GLIS3: variants seen among roughly 807,000 people sequenced by gnomAD.
The protein encoded by GLIS3 is GLIS family zinc finger 3.
GLIS3 carries 53 observed loss-of-function variants against 78.6 expected under a neutral mutation model. That is an observed-to-expected ratio of 0.67 (90% confidence interval 0.54 to 0.85). The LOEUF is 0.85. Among genes scored for constraint, GLIS3 ranks in the 40% least tolerant of loss-of-function variants. GLIS3 has a pLI of 0.00. For missense variants in GLIS3, 1,703 were observed against 1,231.1 expected (o/e 1.38, Z -5.74); for synonymous variants, 684 against 509.9 (o/e 1.34, Z -4.60).
intron 4 of GLIS3, among the ~76,000 whole-genome samples, chr9:4,306,499 A>G (rs1344311179): frequency 6.6e-6 from 1 of 152,200 alleles, no homozygotes; most frequent in African/African-American, 2.4e-5. Flanking sequence ...GGCCATTTCT[A>G]CATGTTCTCA....
intron 6 of GLIS3, among the ~76,000 whole-genome samples, chr9:3,908,195 C>T (rs1823852677): frequency 6.6e-6 from 1 of 152,202 alleles, no homozygotes; most frequent in South Asian, 2.1e-4. Context: ...CTGTAAGTGG[C>T]TTGTCAGTCT....
chr9:3,926,715 C>T (rs907252097), intron 6 of GLIS3, among the ~76,000 whole-genome samples: 13 of 151,508 alleles, frequency 8.6e-5, no homozygotes, highest in African/African-American at 1.7e-4. Flanking sequence ...CTCTGCCTCC[C>T]GCGTTCAAGG....
At chr9:4,136,462 A>G (rs1454059985) in intron 2 of GLIS3, among the ~76,000 whole-genome samples, 2 of 152,196 alleles carry the variant, frequency 1.3e-5, no homozygotes, top group Non-Finnish European at 2.9e-5. Context: ...ACAAAGTTAA[A>G]CATATCTCTT....
the GLIS3 span, among the ~76,000 whole-genome samples, chr9:4,373,352 T>C: frequency 6.6e-6 from 1 of 152,146 alleles, no homozygotes; most frequent in Admixed American, 6.6e-5. Flanking sequence ...TTGGGAAATC[T>C]CAAGATTCAC....
At chr9:4,236,531 T>A (rs1053678065) in intron 2 of GLIS3, among the ~76,000 whole-genome samples, 3 of 152,210 alleles carry the variant, frequency 2.0e-5, no homozygotes, top group Admixed American at 2.0e-4. Context: ...TGGCTGTAAC[T>A]GTAAGCTGTA....
At chr9:4,364,971 A>G in the GLIS3 span, among the ~76,000 whole-genome samples, 37 of 152,074 alleles carry the variant, frequency 2.4e-4, no homozygotes, top group South Asian at 3.3e-3. Context: ...AAAATAAGAA[A>G]ACTACACAGT....
At chr9:3,940,785 T>C (rs945433249) in intron 4 of GLIS3, among the ~76,000 whole-genome samples, 1 of 152,220 alleles carries the variant, frequency 6.6e-6, no homozygotes, top group Non-Finnish European at 1.5e-5. Flanking sequence ...ATTTATTCCA[T>C]ACCAAGCTCC....
chr9:4,335,500 C>T (rs369911461), intron 2 of GLIS3, among the ~76,000 whole-genome samples: 14 of 152,194 alleles, frequency 9.2e-5, no homozygotes, highest in Non-Finnish European at 1.9e-4. Context: ...TTCTGCTCCA[C>T]GTGCTTTCCT....
At chr9:4,451,609 C>T in the GLIS3 span, among the ~76,000 whole-genome samples, 1 of 152,128 alleles carries the variant, frequency 6.6e-6, no homozygotes, top group Non-Finnish European at 1.5e-5. Context: ...GTAAAGCACT[C>T]CTCAGCAAAC....
chr9:3,973,417 T>G (rs1378072424), intron 4 of GLIS3, among the ~76,000 whole-genome samples: 1 of 152,168 alleles, frequency 6.6e-6, no homozygotes, highest in Non-Finnish European at 1.5e-5. Context: ...TGTCCCACCT[T>G]AACACTGTTG....
chr9:4,222,972 G>A (rs569499592), intron 2 of GLIS3, among the ~76,000 whole-genome samples: 1 of 152,094 alleles, frequency 6.6e-6, no homozygotes, highest in East Asian at 1.9e-4. Flanking sequence ...TCCTTTAACT[G>A]TTGTTCCTTA....
At chr9:4,332,366 C>T (rs1415534190) in intron 2 of GLIS3, among the ~76,000 whole-genome samples, 2 of 152,206 alleles carry the variant, frequency 1.3e-5, no homozygotes, top group Non-Finnish European at 2.9e-5. Flanking sequence ...GACAGAAGCA[C>T]CCAAGCTTTA....
the GLIS3 span, among the ~76,000 whole-genome samples, chr9:4,403,928 G>C: frequency 2.0e-5 from 3 of 152,064 alleles, no homozygotes; most frequent in Non-Finnish European, 2.9e-5. Flanking sequence ...AAGACAGAGA[G>C]TGACTGAATG....
intron 4 of GLIS3, among the ~76,000 whole-genome samples, chr9:4,066,749 A>T (rs1345860635): frequency 6.6e-6 from 1 of 152,232 alleles, no homozygotes; most frequent in East Asian, 1.9e-4. Flanking sequence ...CTAGAGAGAC[A>T]CTGCAAGGTG....
At chr9:4,380,041 C>A in the GLIS3 span, among the ~76,000 whole-genome samples, 1 of 152,190 alleles carries the variant, frequency 6.6e-6, no homozygotes, top group East Asian at 1.9e-4. Context: ...GTCACCTACT[C>A]TTTCTGAGTC....
intron 4 of GLIS3, among the ~76,000 whole-genome samples, chr9:4,037,933 G>C (rs61372897): frequency 6.7e-6 from 1 of 148,840 alleles, no homozygotes; most frequent in African/African-American, 2.5e-5. Context: ...CACATTCAGG[G>C]GAGATACAAA....
intron 8 of GLIS3, among the ~76,000 whole-genome samples, chr9:3,873,766 C>T (rs952219093): frequency 6.6e-6 from 1 of 152,158 alleles, no homozygotes; most frequent in Admixed American, 6.5e-5. Flanking sequence ...ACCTAGAATT[C>T]TAGCAATGCT....
At chr9:4,181,672 T>C (rs1817336520) in intron 2 of GLIS3, among the ~76,000 whole-genome samples, 1 of 152,242 alleles carries the variant, frequency 6.6e-6, no homozygotes, top group African/African-American at 2.4e-5. Context: ...TATATATTCT[T>C]TGAAGCCGTA....
intron 2 of GLIS3, among the ~76,000 whole-genome samples, chr9:4,164,963 T>A (rs1248744400): frequency 6.6e-6 from 1 of 152,174 alleles, no homozygotes; most frequent in Non-Finnish European, 1.5e-5. Context: ...CTGAATTTTG[T>A]TCTTGGTTTC....
Sources: allele counts gnomAD v4.1 joint callset (sites outside exome capture counted in the v4.1 genomes callset), GRCh38; gene constraint gnomAD v4.1.1; transcripts MANE v1.5; gene names NCBI Gene and HGNC (gene_info 2026-07-23, HGNC 2026-07-21).